The following ADCY6 variants were observed in gnomAD, a reference collection of about 807,000 sequenced individuals.
ADCY6 encodes the protein adenylate cyclase type 6.
A neutral mutation model predicts 111.6 loss-of-function variants in ADCY6; 59 were observed. The observed-to-expected ratio is 0.53, with a 90% confidence interval of 0.43 to 0.66. The LOEUF (loss-of-function observed/expected upper bound fraction) is 0.66, where lower values mean the gene tolerates loss of function less well. ADCY6 is among the 30% of genes least tolerant of loss of function. The pLI is 0.00. For synonymous variants in ADCY6, 576 were observed against 642.9 expected, an observed-to-expected ratio of 0.90 and a Z score of 1.57; for missense variants, 1,242 against 1,595.6, an observed-to-expected ratio of 0.78 and a Z score of 3.78.
At chr12:48,775,611 G>T in intron 10 of ADCY6, 62 bp downstream of exon 10, 3 of 1,589,702 alleles carry the variant, frequency 1.9e-6, no homozygotes, top group Non-Finnish European at 2.6e-6. Flanking sequence ...GGAGGATCTC[G>T]GCTCCCCCCA....
chr12:48,775,331 G>A lies in ADCY6; in HGVS notation c.1952C>T (p.Thr651Ile), dbSNP rs1419376394. Reference sequence around the variant, plus strand: ...CTTCTCAAGATCCTCTCTCTGGAAGGTGAGCAGAAACCGGCGCACATGGTC... The same window carrying A: ...CTTCTCAAGATCCTCTCTCTGGAAGATGAGCAGAAACCGGCGCACATGGTC... ...RKDHVRRFLL[T>I]FQREDLEKKY... Residue 651 changes from threonine to isoleucine, a missense_variant, in exon 11 of 22, where the codon ACC becomes ATC. By Grantham distance (89) the Thr-to-Ile change is moderately conservative. Around this residue, in one of 4 missense-constraint regions of ADCY6, gnomAD observed 375 missense variants for 432.5 expected, o/e 0.87. Coordinates refer to ENST00000357869, the MANE Select transcript of ADCY6 (RefSeq NM_015270.5). 6 of 1,613,922 alleles carry A rather than the reference G, an allele frequency of 3.7e-6. No individual in the cohort carries two copies. Among genetic ancestry groups the A allele is most frequent in the Non-Finnish European group, 5.1e-6 (6 of 1,180,022 alleles).
Position 48,782,662 on chromosome 12 carries a change from C to G in ADCY6, c.773G>C (p.Arg258Pro), listed in dbSNP as rs769215659. 1 of 1,600,576 alleles carries G rather than the reference C, an allele frequency of 6.2e-7. No homozygotes were observed. Among genetic ancestry groups the G allele is most frequent in the Non-Finnish European group, 8.5e-7 (1 of 1,172,850 alleles). The change falls in exon 2 of 22, where the codon CGG (arginine) becomes CCG (proline). Residue 258 changes from arginine to proline, a missense_variant. Arg to Pro is a moderately radical substitution (Grantham distance 103, BLOSUM62 -2). Transcript: ENST00000357869. The surrounding 1 kb of genome is among the most constrained non-coding windows in gnomAD (Gnocchi z 4.3). Reference sequence around the variant, plus strand: ...GCCCAGGCCGCTGAGGACGGCAGCCCGCATGCGGATGGGGAGGAGCGTGTA... The same window carrying G: ...GCCCAGGCCGCTGAGGACGGCAGCCGGCATGCGGATGGGGAGGAGCGTGTA... ...IAYTLLPIRM[R>P]AAVLSGLGLS...
In ADCY6 at chr12:48,776,635, C is replaced by A; in HGVS notation, c.1377-49G>T. ...AGCTCCTGGCAGTCTTCCCCTCCCC[C>A]AGCCCACAACCCAGGCCCTTCACTC... On this transcript the variant is annotated intron_variant, in intron 6 of 21. Coordinates refer to ENST00000357869, the MANE Select transcript of ADCY6 (RefSeq NM_015270.5). This position sits in a 1 kb window ranked among gnomAD's most constrained non-coding sequence, Gnocchi z 6.1. 6.4e-7 allele frequency: 1 copy of A among 1,566,930 alleles called. No individual in the cohort carries two copies. Among genetic ancestry groups the A allele is most frequent in the Admixed American group, 1.7e-5 (1 of 58,018 alleles).
intron 16 of ADCY6, 100 bp from the exon 17 acceptor site, chr12:48,772,643 C>T (rs1440180177): frequency 1.4e-6 from 2 of 1,407,374 alleles, no homozygotes; most frequent in Non-Finnish European, 2.0e-6. Context: ...TGAGCACATA[C>T]TGTAAGTCAG....
rs749557694 is a variant in ADCY6 at position 48,770,871 on chromosome 12, C to T, written c.3151G>A (p.Val1051Met). 5 of 1,614,262 alleles carry T rather than the reference C, an allele frequency of 3.1e-6. No homozygotes were observed. The East Asian group carries it at 1.1e-4, about 36-fold the overall frequency. ...AGGGCAGTGATGTGGGAGCGGCCCA[C>T]CTGATCGTAGGTGCTGGCGTTCAGC... is the stretch of plus-strand genomic sequence containing the variant. ...SGLNASTYDQ[V>M]GRSHITALAD... is the part of the protein sequence containing the mutation. Residue 1051 changes from valine (V) to methionine (M), a missense_variant, in exon 20 of 22, where the codon GTG (valine) becomes ATG (methionine). By Grantham distance (21) the Val-to-Met change is conservative. Around this residue, in one of 4 missense-constraint regions of ADCY6, gnomAD observed 245 missense variants for 371.3 expected, o/e 0.66. Coordinates refer to ENST00000357869, the MANE Select transcript of ADCY6 (RefSeq NM_015270.5).
Position 48,768,604 on chromosome 12 carries a change from C to T in ADCY6, c.3494G>A (p.Gly1165Asp), listed in dbSNP as rs772807952. Residue 1165 changes from glycine to aspartate, a missense_variant, in exon 22 of 22, where the codon GGC becomes GAC. Gly to Asp is a moderately conservative substitution (Grantham distance 94). This residue lies in a region of ADCY6 where 245 missense variants were observed against 371.3 expected (regional missense o/e 0.66). Coordinates refer to ENST00000357869, the MANE Select transcript of ADCY6 (RefSeq NM_015270.5). ...GGCTGGGCCCTGTTAACTGCTGGGG[C>T]CCCCATTGAGGAAGTAGGTGGTCAT... ...GEMTTYFLNG[G>D]PSS 5.0e-6 allele frequency: 8 copies of T among 1,614,082 alleles called. No individual in the cohort carries two copies. The highest frequency in any genetic ancestry group is 5.9e-6 in the Non-Finnish European group (7 of 1,179,970).
intron 16 of ADCY6, among the ~76,000 whole-genome samples, 169 bp downstream of exon 16, chr12:48,773,300 G>A (rs1014464902): frequency 5.9e-5 from 9 of 152,050 alleles, no homozygotes; most frequent in African/African-American, 1.5e-4. Flanking sequence ...TTCCTTGGGG[G>A]TAACTATTTG....
intron 1 of ADCY6, among the ~76,000 whole-genome samples, chr12:48,785,661 G>A (rs1941967749): frequency 6.6e-6 from 1 of 152,120 alleles, no homozygotes; most frequent in African/African-American, 2.4e-5. Flanking sequence ...TGAGTAGATG[G>A]ATGACTGGAT....
At position 48,776,236 on chromosome 12, in the gene ADCY6, G is replaced by A. The variant is rs1052720462; in HGVS notation, c.1650C>T (p.Phe550=). The A allele has an allele frequency of 6.2e-7, 1 of 1,614,102 alleles. No homozygotes were observed. Among genetic ancestry groups the A allele is most frequent in the African/African-American group, 1.3e-5 (1 of 74,944 alleles). Residue 550 remains phenylalanine (F), a synonymous_variant, in exon 8 of 22, where the codon TTC becomes TTT. Transcript: ENST00000357869. The surrounding 1 kb of genome is among the most constrained non-coding windows in gnomAD (Gnocchi z 6.1). ...AYLKEQHIET[F]LILGASQKRK... ...GTTTCTGGCTGGCGCCCAGGATGAG[G>A]AAAGTCTCAATGTGCTGCTCCTTGA...
At position 48,774,406 on chromosome 12, in the gene ADCY6, T is replaced by C. The variant is rs753426236; in HGVS notation, c.2279A>G (p.Asn760Ser). The change falls in exon 14 of 22, where the codon AAC (asparagine) becomes AGC (serine). Residue 760 changes from asparagine (N) to serine (S), a missense_variant. Physicochemically the swap from Asn to Ser is conservative, Grantham distance 46. Around this residue, in one of 4 missense-constraint regions of ADCY6, gnomAD observed 375 missense variants for 432.5 expected, o/e 0.87. Coordinates refer to ENST00000357869, the MANE Select transcript of ADCY6 (RefSeq NM_015270.5). ...VLLVFTSAIA[N>S]MFTCNHTPIR... ...GAATTCCCACTGGACCCTTACCATG[T>C]TGGCAATGGCAGAAGTAAACACAAG... 1 of 1,612,326 alleles carries C rather than the reference T, an allele frequency of 6.2e-7. No individual in the cohort carries two copies. The highest frequency in any genetic ancestry group is 8.5e-7 in the Non-Finnish European group (1 of 1,178,546).
At position 48,776,857 on chromosome 12, in the gene ADCY6, T is replaced by C. The variant is rs934766743; in HGVS notation, c.1376+247A>G. On this transcript the variant is annotated intron_variant, in intron 6 of 21. Coordinates refer to ENST00000357869, the MANE Select transcript of ADCY6 (RefSeq NM_015270.5). The surrounding 1 kb of genome is among the most constrained non-coding windows in gnomAD (Gnocchi z 6.1). ...TGTTATCCCCTCTGGCCTGCACAGA[T>C]GGCATTCCCTCTAGCCCAACTCCCC... 1.3e-5 allele frequency among the ~76,000 whole-genome samples: 2 copies of C among 152,186 alleles called. No homozygotes were observed. The highest frequency in any genetic ancestry group is 4.8e-5 in the African/African-American group (2 of 41,452).
At chr12:48,778,348 T>G (rs1378406096) in intron 2 of ADCY6, 91 bp from the exon 3 acceptor site, 4 of 1,549,818 alleles carry the variant, frequency 2.6e-6, no homozygotes, top group Non-Finnish European at 3.5e-6. Flanking sequence ...CTAGGTTCTC[T>G]GAGGAAGGAA....
At position 48,774,437 on chromosome 12, in the gene ADCY6, C is replaced by T. The variant is rs568120089; in HGVS notation, c.2248G>A (p.Val750Ile). ...ATGGCAGAAGTAAACACAAGCAGGA[C>T]GGAAAAGATGCCAACTGCGGTGCTA... ...AHSTAVGIFS[V>I]LLVFTSAIAN... The change falls in exon 14 of 22, where the codon GTC (valine) becomes ATC (isoleucine). Residue 750 changes from valine to isoleucine, a missense_variant. By Grantham distance (29) the Val-to-Ile change is conservative. Transcript: ENST00000357869. The T allele has an allele frequency of 3.2e-4, 514 of 1,613,914 alleles. 7 individuals carry two copies. In the South Asian group the frequency reaches 4.8e-3, roughly 15 times the overall value.
rs1325988852 is a variant in ADCY6, at chr12:48,767,016, AGCTAGAAACAT to A, written c.*1564_*1574del. On this transcript the variant is annotated 3_prime_UTR_variant, in exon 22 of 22. Coordinates refer to ENST00000357869, the MANE Select transcript of ADCY6 (RefSeq NM_015270.5). ...CTCAAGGCTTCACAAGGGACTGGGG[AGCTAGAAACAT>A]GCTAGACTCAGGCTGAAGGCTGGGG... 6.6e-6 allele frequency: 1 copy of A among 152,334 alleles called. No individual in the cohort carries two copies. The highest frequency in any genetic ancestry group is 6.5e-5 in the Admixed American group (1 of 15,278). The allele number at this position is 152,334 out of a possible 1,614,324, so 9.4% of individuals were successfully genotyped here.
chr12:48,780,985 G>A (rs1208479354), intron 2 of ADCY6, among the ~76,000 whole-genome samples: 1 of 152,162 alleles, frequency 6.6e-6, no homozygotes, highest in Non-Finnish European at 1.5e-5. Flanking sequence ...TGGATCATGA[G>A]GTCAAGAGAT....
intron 16 of ADCY6, among the ~76,000 whole-genome samples, chr12:48,773,032 G>C (rs567708780): frequency 1.3e-5 from 2 of 152,244 alleles, no homozygotes; most frequent in Non-Finnish European, 2.9e-5. Context: ...GAGACCAGAG[G>C]CTTTTTCTAC....
Position 48,770,659 on chromosome 12 carries a change from C to G in ADCY6, c.3256+107G>C, listed in dbSNP as rs1941511683. 8.5e-6 allele frequency: 10 copies of G among 1,174,332 alleles called. No individual in the cohort carries two copies. In the Admixed American group the frequency reaches 1.8e-4, roughly 21 times the overall value. 72.7% of individuals were successfully genotyped at this position (1,174,332 alleles called of 1,614,324 possible). ...ATAGGAGGTCAGAGGGAAGAAAACC[C>G]CACAGGAGCCCTGATGGGAAATCTG... On this transcript the variant is annotated intron_variant, in intron 20 of 21. Coordinates refer to ENST00000357869, the MANE Select transcript of ADCY6 (RefSeq NM_015270.5).
chr12:48,769,645 G>C (rs1343572160), intron 20 of ADCY6, among the ~76,000 whole-genome samples: 22 of 149,166 alleles, frequency 1.5e-4, no homozygotes, highest in Non-Finnish European at 1.5e-5. Context: ...GGAGTGCAGT[G>C]GCACAATCTC....
Position 48,782,903 on chromosome 12 carries a change from G to C in ADCY6, c.532C>G (p.Pro178Ala), listed in dbSNP as rs1565651306. 1 of 1,613,738 alleles carries C rather than the reference G, an allele frequency of 6.2e-7. No individual in the cohort carries two copies. The highest frequency in any genetic ancestry group is 1.7e-5 in the Admixed American group (1 of 60,026). ...AFHAAPARPQ[P>A]AYVALLACAA... is the part of the protein sequence containing the mutation. ...CAGGCCAACAGTGCCACATAGGCAG[G>C]CTGAGGGCGGGCGGGTGCGGCGTGG... The change falls in exon 2 of 22, where the codon CCT (proline) becomes GCT (alanine). Residue 178 changes from proline to alanine, a missense_variant. Around this residue, in one of 4 missense-constraint regions of ADCY6, gnomAD observed 362 missense variants for 377.2 expected, o/e 0.96. Transcript: ENST00000357869. The surrounding 1 kb of genome is among the most constrained non-coding windows in gnomAD (Gnocchi z 4.3).
Sources: allele counts gnomAD v4.1 joint callset (sites outside exome capture counted in the v4.1 genomes callset), GRCh38; gene constraint gnomAD v4.1.1; regional missense constraint gnomAD v4.1.1; non-coding constraint Gnocchi (gnomAD v3.1); transcripts MANE v1.5; gene names NCBI Gene and HGNC (gene_info 2026-07-23, HGNC 2026-07-21).